The following ATP10B variants were observed in gnomAD, a reference collection of about 807,000 sequenced individuals.
The protein encoded by ATP10B is ATPase phospholipid transporting 10B (putative).
In ATP10B, 122 loss-of-function variants were observed where a neutral mutation model predicts 141.2. The ratio of observed to expected loss-of-function variants is 0.86; its 90% CI spans 0.75 to 1.00. ATP10B has a LOEUF of 1.00. Among genes scored for constraint, ATP10B ranks in the 50% least tolerant of loss-of-function variants. The probability of loss-of-function intolerance (pLI) is 0.00; values close to 1 mark genes in which losing one functional copy is unlikely to be tolerated. For missense variants in ATP10B, 1,876 were observed against 1,825.3 expected, an observed-to-expected ratio of 1.03 and a Z score of -0.51; for synonymous variants, 685 against 692.0, an observed-to-expected ratio of 0.99 and a Z score of 0.16.
the ATP10B span, among the ~76,000 whole-genome samples, chr5:160,865,629 A>G: frequency 6.6e-6 from 1 of 152,300 alleles, no homozygotes; most frequent in African/African-American, 2.4e-5. Flanking sequence ...TCAGCAGAGT[A>G]AACAGAGAAC....
chr5:160,856,457 G>T (rs996589188), upstream of ATP10B, among the ~76,000 whole-genome samples: 2 of 151,572 alleles, frequency 1.3e-5, no homozygotes, highest in Admixed American at 6.6e-5. Flanking sequence ...AAATAGAAAC[G>T]GTATTATTTC....
intron 2 of ATP10B, among the ~76,000 whole-genome samples, chr5:160,729,268 T>C (rs751014141): frequency 3.3e-5 from 5 of 151,396 alleles, no homozygotes; most frequent in African/African-American, 1.2e-4. Context: ...TGCCACTTGG[T>C]TCATCAGAGC....
the ATP10B span, among the ~76,000 whole-genome samples, chr5:160,883,486 A>AT: frequency 0.6 from 91,079 of 151,834 alleles, 29,519 homozygotes; most frequent in East Asian, 0.85. Context: ...GTGTGTAGTG[A>AT]TTTTTTTCAC....
chr5:160,594,102 T>C (rs1393706481), intron 22 of ATP10B, among the ~76,000 whole-genome samples: 1 of 151,964 alleles, frequency 6.6e-6, no homozygotes, highest in Non-Finnish European at 1.5e-5. Context: ...TCACCAAAGT[T>C]GAAATGAAGG....
intron 2 of ATP10B, among the ~76,000 whole-genome samples, chr5:160,779,788 CAAA>C (rs1561845131): frequency 6.6e-6 from 1 of 152,120 alleles, no homozygotes; most frequent in Non-Finnish European, 1.5e-5. Context: ...CATCAATAGA[CAAA>C]TAAAGTAGCT....
intron 1 of ATP10B, among the ~76,000 whole-genome samples, chr5:160,827,881 T>G (rs1312526120): frequency 1.3e-5 from 2 of 152,170 alleles, no homozygotes; most frequent in Non-Finnish European, 2.9e-5. Context: ...CTCAGGTTTG[T>G]CAAAGGTCAG....
In ATP10B at chr5:160,816,594, A is replaced by T. The variant is rs1773651523; in HGVS notation, c.-575-30791T>A. Among the ~76,000 whole-genome samples, 5 of 152,130 alleles carry T rather than the reference A, an allele frequency of 3.3e-5. No homozygotes were observed. In the South Asian group the frequency reaches 8.3e-4, roughly 25 times the overall value. ...AGGTACAAGGAGGGGCTGGTACCAT[A>T]CTTTCTGAAACTATTCCAATCAACA... On this transcript the variant is annotated intron_variant, in intron 1 of 25. Coordinates refer to ENST00000327245, the MANE Select transcript of ATP10B (RefSeq NM_025153.3).
intron 14 of ATP10B, among the ~76,000 whole-genome samples, chr5:160,621,340 C>T (rs2024523): frequency 0.74 from 112,727 of 151,966 alleles, 42,251 homozygotes; most frequent in East Asian, 0.84. Context: ...TGGCCATGAT[C>T]ACCCAGTGTG....
intron 2 of ATP10B, among the ~76,000 whole-genome samples, chr5:160,720,818 G>T (rs1446440885): frequency 6.6e-6 from 1 of 152,216 alleles, no homozygotes; most frequent in Non-Finnish European, 1.5e-5. Flanking sequence ...GGTCAGCACT[G>T]TAGCTTTGGT....
At chr5:160,585,534 C>A (rs116456326) in intron 24 of ATP10B, among the ~76,000 whole-genome samples, 1 of 152,156 alleles carries the variant, frequency 6.6e-6, no homozygotes, top group Non-Finnish European at 1.5e-5. Flanking sequence ...ACCCAGGAGG[C>A]GGAGGTGCAA....
intron 2 of ATP10B, among the ~76,000 whole-genome samples, chr5:160,731,193 AC>A (rs1344243146): frequency 1.3e-5 from 2 of 152,228 alleles, no homozygotes; most frequent in Non-Finnish European, 2.9e-5. Context: ...CAGGAAAGCT[AC>A]CAAGATGAGT....
chr5:160,723,191 A>T (rs980987915), intron 2 of ATP10B, among the ~76,000 whole-genome samples: 1 of 152,200 alleles, frequency 6.6e-6, no homozygotes. Flanking sequence ...TTACCTTTTC[A>T]TACTTCTATG....
chr5:160,888,018 T>C, the ATP10B span, among the ~76,000 whole-genome samples: 1 of 152,316 alleles, frequency 6.6e-6, no homozygotes, highest in Non-Finnish European at 1.5e-5. Context: ...TGGTAATTGC[T>C]CAAATATTTG....
chr5:160,602,552 T>C lies in ATP10B; in HGVS notation c.3363+25A>G, dbSNP rs555728836. The C allele has an allele frequency of 5.0e-6, 8 of 1,613,050 alleles. No individual in the cohort carries two copies. The East Asian group carries it at 1.8e-4, about 36-fold the overall frequency. ...TGGCAAGGCCTGCCAAAGCCCTGGG[T>C]GAGAGGACGCCATAGGCTACTTACC... is the stretch of plus-strand genomic sequence containing the variant. On this transcript the variant is annotated intron_variant, in intron 21 of 25. Coordinates refer to ENST00000327245, the MANE Select transcript of ATP10B (RefSeq NM_025153.3).
At chr5:160,737,519 A>C (rs958189847) in intron 2 of ATP10B, among the ~76,000 whole-genome samples, 1 of 152,100 alleles carries the variant, frequency 6.6e-6, no homozygotes, top group Non-Finnish European at 1.5e-5. Context: ...TCCACAAAAA[A>C]CTCTTAGAAC....
At chr5:160,718,654 A>G (rs995789528) in intron 2 of ATP10B, among the ~76,000 whole-genome samples, 1 of 151,816 alleles carries the variant, frequency 6.6e-6, no homozygotes. Context: ...TCCTGGCTTT[A>G]TAAGAACCCA....
chr5:160,888,091 T>C, the ATP10B span, among the ~76,000 whole-genome samples: 2 of 152,222 alleles, frequency 1.3e-5, no homozygotes, highest in Admixed American at 6.5e-5. Context: ...ATTTGGTCTG[T>C]GGCTCTTGCC....
intron 1 of ATP10B, among the ~76,000 whole-genome samples, chr5:160,830,840 C>G (rs1464353223): frequency 6.6e-6 from 1 of 151,974 alleles, no homozygotes; most frequent in Non-Finnish European, 1.5e-5. Context: ...TGGCCTTCAA[C>G]CTCGGACTCT....
intron 1 of ATP10B, among the ~76,000 whole-genome samples, chr5:160,811,705 G>A (rs970336023): frequency 4.6e-5 from 7 of 152,126 alleles, no homozygotes; most frequent in African/African-American, 1.7e-4. Context: ...GATTTCTAAG[G>A]TTTTTGACTC....
Sources: allele counts gnomAD v4.1 joint callset (sites outside exome capture counted in the v4.1 genomes callset), GRCh38; gene constraint gnomAD v4.1.1; transcripts MANE v1.5; gene names NCBI Gene and HGNC (gene_info 2026-07-23, HGNC 2026-07-21).